The following IKBKE variants were observed in gnomAD, a reference collection of about 807,000 sequenced individuals.
IKBKE encodes the protein inhibitor of nuclear factor kappa-B kinase subunit epsilon.
A neutral mutation model predicts 92.1 loss-of-function variants in IKBKE; 45 were observed. That is an observed-to-expected ratio of 0.49 (90% CI 0.38 to 0.63). IKBKE has a LOEUF of 0.63. Among genes scored for constraint, IKBKE ranks in the 20% least tolerant of loss-of-function variants. The pLI is 0.00. For synonymous variants in IKBKE, 374 were observed against 380.3 expected (o/e 0.98, Z 0.19); for missense variants, 700 against 932.8 (o/e 0.75, Z 3.25).
In IKBKE at chr1:206,476,929, A is replaced by G; in HGVS notation, c.701+91A>G. 7.0e-7 allele frequency: 1 copy of G among 1,421,012 alleles called. No homozygotes were observed. The highest frequency in any genetic ancestry group is 9.8e-7 in the Non-Finnish European group (1 of 1,022,166). 88.0% of individuals were successfully genotyped at this position (1,421,012 alleles called of 1,614,324 possible). On this transcript the variant is annotated intron_variant, in intron 7 of 21. Transcript: ENST00000581977. This position sits in a 1 kb window ranked among gnomAD's most constrained non-coding sequence, Gnocchi z 5.1. Reference sequence around the variant, plus strand: ...CCTTGCTGTGTCTTCTGGTCCCCTCACACTCCATGGCCCTCCTCTGGTCCA... The same window carrying G: ...CCTTGCTGTGTCTTCTGGTCCCCTCGCACTCCATGGCCCTCCTCTGGTCCA...
Position 206,496,235 on chromosome 1 carries a change from C to A in IKBKE, c.*90C>A. 2.0e-6 allele frequency: 2 copies of A among 1,023,122 alleles called. No homozygotes were observed. Among genetic ancestry groups the A allele is most frequent in the South Asian group, 1.3e-5 (1 of 78,074 alleles). The allele number at this position is 1,023,122 out of a possible 1,614,324, so 63.4% of individuals were successfully genotyped here. A position where few individuals can be genotyped will look rare whatever the true frequency, so the allele number is the denominator to read the frequency against. On this transcript the variant is annotated 3_prime_UTR_variant, in exon 22 of 22. Transcript: ENST00000581977. ...ATGAGACCAACCCAGGGCAAGATCCCATCCCATCACATCAGCCTACCTCCC... is the reference window on the plus strand; with the variant it reads ...ATGAGACCAACCCAGGGCAAGATCCAATCCCATCACATCAGCCTACCTCCC...
rs1553385842 is a variant in IKBKE at position 206,477,814 on chromosome 1, C to T, written c.767C>T (p.Pro256Leu). 6.4e-7 allele frequency: 1 copy of T among 1,560,138 alleles called. No homozygotes were observed. The highest frequency in any genetic ancestry group is 1.4e-5 in the African/African-American group (1 of 73,404). The change falls in exon 8 of 22, where the codon CCC (proline) becomes CTC (leucine). Residue 256 changes from proline to leucine, a missense_variant. Coordinates refer to ENST00000581977, the MANE Select transcript of IKBKE (RefSeq NM_014002.4). ...IAGAQRRENG[P>L]LEWSYTLPIT... ...GGTGCCCAGAGGCGGGAGAACGGGC[C>T]CCTGGAGTGGAGCTACACCCTCCCC... is the stretch of plus-strand genomic sequence containing the variant.
rs782028614 is a variant in IKBKE at position 206,476,393 on chromosome 1, A to G, written c.540+31A>G. On this transcript the variant is annotated intron_variant, in intron 6 of 21. Coordinates refer to ENST00000581977, the MANE Select transcript of IKBKE (RefSeq NM_014002.4). The surrounding 1 kb of genome is among the most constrained non-coding windows in gnomAD (Gnocchi z 5.1). ...TGAGCTGCTCGAGACCCGCTGCCCTATGCTGAGGGCTCCCCTTGCCTTGTG... is the reference window on the plus strand; with the variant it reads ...TGAGCTGCTCGAGACCCGCTGCCCTGTGCTGAGGGCTCCCCTTGCCTTGTG... 8.3e-6 allele frequency: 13 copies of G among 1,572,902 alleles called. No individual in the cohort carries two copies. In the East Asian group the frequency reaches 2.0e-4, roughly 24 times the overall value.
chr1:206,493,245 C>G lies in IKBKE; in HGVS notation c.1933-21C>G, dbSNP rs543722741. On this transcript the variant is annotated intron_variant, in intron 19 of 21. Coordinates refer to ENST00000581977, the MANE Select transcript of IKBKE (RefSeq NM_014002.4). Reference sequence around the variant, plus strand: ...CATAAGCTGGCTACTAATTGCTGACCAAAGTATGGCTTCCCTGCAGCTCCT... The same window carrying G: ...CATAAGCTGGCTACTAATTGCTGACGAAAGTATGGCTTCCCTGCAGCTCCT... 4.2e-5 allele frequency: 67 copies of G among 1,605,114 alleles called. No homozygotes were observed. The South Asian group carries it at 6.4e-4, about 15-fold the overall frequency.
At chr1:206,474,278 T>C (rs1572235769) in intron 3 of IKBKE, 53 bp from the exon 4 acceptor site, 9 of 1,539,960 alleles carry the variant, frequency 5.8e-6, no homozygotes, top group Non-Finnish European at 8.0e-6. Flanking sequence ...CCTGTGGGAG[T>C]GGGACATGTG....
chr1:206,493,744 A>G (rs41299870), intron 20 of IKBKE, among the ~76,000 whole-genome samples, 176 bp from the exon 21 acceptor site: 10,271 of 152,290 alleles, frequency 0.067, 878 homozygotes, highest in African/African-American at 0.2. Flanking sequence ...AGCCAAGATT[A>G]TGCCACTGCA....
In IKBKE at chr1:206,493,328, G is replaced by C. The variant is rs375272871; in HGVS notation, c.1995G>C (p.Pro665=). ...QDRAKGAQAS[P]PPIAPYPSPT... ...GAGCAAAGGGGGCTCAGGCCTCGCC[G>C]CCTCCCATAGCTCCTTACCCCAGCC... is the stretch of plus-strand genomic sequence containing the variant. Residue 665 remains proline, a synonymous_variant, in exon 20 of 22, where the codon CCG becomes CCC. Coordinates refer to ENST00000581977, the MANE Select transcript of IKBKE (RefSeq NM_014002.4). 5 of 1,613,894 alleles carry C rather than the reference G, an allele frequency of 3.1e-6. No homozygotes were observed. Among genetic ancestry groups the C allele is most frequent in the Non-Finnish European group, 4.2e-6 (5 of 1,179,982 alleles).
At chr1:206,491,955 G>A (rs1388708304) in intron 18 of IKBKE, 4 of 484,084 alleles carry the variant, frequency 8.3e-6, no homozygotes, top group Non-Finnish European at 1.5e-5. Context: ...TACAACACCT[G>A]CCCTATACAG....
intron 17 of IKBKE, chr1:206,491,433 C>T (rs1466020646): frequency 4.1e-6 from 2 of 483,360 alleles, no homozygotes; most frequent in Non-Finnish European, 7.7e-6. Flanking sequence ...TCCCACGTCT[C>T]CCTGTTGATG....
In IKBKE at chr1:206,485,358, C is replaced by A; in HGVS notation, c.1616+52C>A. 1 of 1,086,828 alleles carries A rather than the reference C, an allele frequency of 9.2e-7. No homozygotes were observed. The highest frequency in any genetic ancestry group is 1.3e-5 in the South Asian group (1 of 79,006). 67.3% of individuals were successfully genotyped at this position (1,086,828 alleles called of 1,614,324 possible). On this transcript the variant is annotated intron_variant, in intron 15 of 21. Transcript: ENST00000581977. The surrounding 1 kb of genome is among the most constrained non-coding windows in gnomAD (Gnocchi z 5.0). The stretch of plus-strand genomic sequence containing the variant: ...GGTGGGAGTGGGGGAGTGGGCAGCT[C>A]CAAAGGTCCAGTAACCTTTAGCCTT...
At chr1:206,482,136 G>T (rs74145697) in intron 13 of IKBKE, among the ~76,000 whole-genome samples, 2 of 152,084 alleles carry the variant, frequency 1.3e-5, no homozygotes, top group Admixed American at 6.5e-5. Flanking sequence ...GAAGGTCTGC[G>T]CAGAGACAGA....
intron 8 of IKBKE, 80 bp downstream of exon 8, chr1:206,477,939 G>C: frequency 1.9e-6 from 2 of 1,044,710 alleles, no homozygotes; most frequent in Non-Finnish European, 2.9e-6. Flanking sequence ...GACTTCTGAG[G>C]CCTGTTCCAG....
At chr1:206,491,603 G>A (rs1665954735) in intron 17 of IKBKE, 45 bp from the exon 18 acceptor site, 1 of 1,373,782 alleles carries the variant, frequency 7.3e-7, no homozygotes, top group Non-Finnish European at 1.0e-6. Flanking sequence ...CTTGTGCATA[G>A]TGGTTCTGGC....
chr1:206,494,480 C>T (rs782374438), intron 21 of IKBKE, among the ~76,000 whole-genome samples: 2 of 152,026 alleles, frequency 1.3e-5, no homozygotes, highest in African/African-American at 4.8e-5. Context: ...AGGATCATCT[C>T]CTGATTTGAC....
At chr1:206,477,344 G>A (rs1665122476) in intron 7 of IKBKE, among the ~76,000 whole-genome samples, 1 of 152,210 alleles carries the variant, frequency 6.6e-6, no homozygotes, top group Admixed American at 6.5e-5. Context: ...GGGTCCAGCT[G>A]TGTGGAACCT....
chr1:206,474,599 C>G, intron 4 of IKBKE, 128 bp downstream of exon 4: 1 of 971,436 alleles, frequency 1.0e-6, no homozygotes, highest in Non-Finnish European at 1.5e-6. Context: ...AGGCAAATTG[C>G]AGAAGGGAGC....
chr1:206,486,461 T>C (rs1553388718), intron 15 of IKBKE, among the ~76,000 whole-genome samples: 1 of 150,608 alleles, frequency 6.6e-6, no homozygotes, highest in Non-Finnish European at 1.5e-5. Context: ...TCCCAGGCCC[T>C]GTCTTTTGGA....
intron 21 of IKBKE, among the ~76,000 whole-genome samples, chr1:206,495,350 T>G (rs148974931): frequency 6.6e-6 from 1 of 152,120 alleles, no homozygotes; most frequent in African/African-American, 2.4e-5. Flanking sequence ...GGTGTTGACA[T>G]AGGGATTTAA....
At chr1:206,473,341 G>A (rs782555824) in intron 3 of IKBKE, 27 bp downstream of exon 3, 1 of 1,558,770 alleles carries the variant, frequency 6.4e-7, no homozygotes, top group Non-Finnish European at 8.8e-7. Context: ...GCCAGGCCCT[G>A]TCCAGCCCAG....
Sources: gnomAD v4.1 joint callset for allele counts (sites outside exome capture counted in the v4.1 genomes callset) on GRCh38, gnomAD v4.1.1 for gene constraint, Gnocchi (gnomAD v3.1) non-coding constraint, MANE v1.5 for transcripts, NCBI Gene and HGNC (gene_info 2026-07-23, HGNC 2026-07-21) for gene names.